Variants in ABCC4 observed in about 807,000 individuals in gnomAD.
ABCC4 encodes the protein ATP-binding cassette sub-family C member 4.
In ABCC4, 102 loss-of-function variants were observed where a neutral mutation model predicts 168.5. The ratio of observed to expected loss-of-function variants is 0.61; its 90% confidence interval spans 0.52 to 0.71. The LOEUF (loss-of-function observed/expected upper bound fraction) is 0.71. Ranked by LOEUF, ABCC4 falls within the 30% of genes least tolerant of loss-of-function variation. ABCC4 has a pLI of 0.00. For synonymous variants in ABCC4, 617 were observed against 590.7 expected (o/e 1.04, Z -0.65); for missense variants, 1,402 against 1,605.8 (o/e 0.87, Z 2.17).
At chr13:95,300,015 T>C (rs571650651) in intron 1 of ABCC4, among the ~76,000 whole-genome samples, 1 of 152,310 alleles carries the variant, frequency 6.6e-6, no homozygotes, top group Non-Finnish European at 1.5e-5. Flanking sequence ...CTAATTTTTG[T>C]ATTTTTAGTA....
At chr13:95,143,019 A>C (rs2036370741) in intron 19 of ABCC4, among the ~76,000 whole-genome samples, 1 of 152,218 alleles carries the variant, frequency 6.6e-6, no homozygotes, top group African/African-American at 2.4e-5. Context: ...CATGTACTAA[A>C]AAGCCTAGCT....
intron 13 of ABCC4, among the ~76,000 whole-genome samples, chr13:95,172,535 C>T (rs1236971151): frequency 6.7e-6 from 1 of 148,772 alleles, no homozygotes; most frequent in Non-Finnish European, 1.5e-5. Flanking sequence ...CACTGCACTC[C>T]AGCCTGGGCA....
intron 6 of ABCC4, 104 bp downstream of exon 6, chr13:95,209,330 A>T (rs1330972988): frequency 1.5e-6 from 2 of 1,312,490 alleles, no homozygotes; most frequent in Non-Finnish European, 2.1e-6. Context: ...TATGCAAGGA[A>T]GAGATAATAA....
chr13:95,193,050 T>A (rs1230785861), intron 9 of ABCC4, among the ~76,000 whole-genome samples: 1 of 152,254 alleles, frequency 6.6e-6, no homozygotes, highest in Non-Finnish European at 1.5e-5. Context: ...AACACATTAT[T>A]GTTTTGTTGG....
At chr13:95,071,562 C>T (rs1248387439) in intron 25 of ABCC4, 100 bp downstream of exon 25, 21 of 1,042,972 alleles carry the variant, frequency 2.0e-5, no homozygotes, top group African/African-American at 3.3e-5. Flanking sequence ...GGTTAACCTA[C>T]GTATCACTGA....
rs552520874 is a variant in ABCC4 at position 95,251,959 on chromosome 13, A to T, written c.75-4206T>A. 3.3e-5 allele frequency among the ~76,000 whole-genome samples: 5 copies of T among 152,212 alleles called. No homozygotes were observed. The South Asian group carries it at 1.0e-3, about 32-fold the overall frequency. On this transcript the variant is annotated intron_variant, in intron 1 of 30. Transcript: ENST00000645237. ...AGTAGCATGATGAAATCTCCCACAA[A>T]CCCACCCAGGATGGGAATCCTCCCT... is the stretch of plus-strand genomic sequence containing the variant.
chr13:95,186,476 A>C (rs1035750185), intron 11 of ABCC4, among the ~76,000 whole-genome samples: 1 of 152,238 alleles, frequency 6.6e-6, no homozygotes, highest in Admixed American at 6.5e-5. Context: ...AAAACTTCAC[A>C]AAACCAACCA....
chr13:95,276,767 C>G (rs1297971537), intron 1 of ABCC4, among the ~76,000 whole-genome samples: 3 of 152,182 alleles, frequency 2.0e-5, no homozygotes, highest in Admixed American at 2.0e-4. Context: ...GCCTGTAATC[C>G]CAACACTTTG....
At chr13:95,099,770 A>G (rs1729760) in intron 20 of ABCC4, among the ~76,000 whole-genome samples, 72,581 of 151,992 alleles carry the variant, frequency 0.48, 18,846 homozygotes, top group African/African-American at 0.67. Flanking sequence ...TATCGGCTTC[A>G]TGACTCAACG....
intron 25 of ABCC4, 117 bp downstream of exon 25, chr13:95,071,545 C>A: frequency 1.1e-6 from 1 of 903,170 alleles, no homozygotes; most frequent in South Asian, 3.5e-5. Flanking sequence ...GGTTAGTTTC[C>A]AAGACAGGTT....
intron 29 of ABCC4, among the ~76,000 whole-genome samples, chr13:95,042,904 A>G (rs1026204333): frequency 6.6e-6 from 1 of 152,206 alleles, no homozygotes; most frequent in Non-Finnish European, 1.5e-5. Flanking sequence ...TGATACATTT[A>G]GACTACAGGC....
At chr13:95,050,487 C>G (rs748009859) in intron 27 of ABCC4, among the ~76,000 whole-genome samples, 1 of 152,164 alleles carries the variant, frequency 6.6e-6, no homozygotes, top group Non-Finnish European at 1.5e-5. Flanking sequence ...TACCCCCAAA[C>G]GAGCAATGTA....
chr13:95,277,109 T>C (rs569453233), intron 1 of ABCC4, among the ~76,000 whole-genome samples: 2 of 152,248 alleles, frequency 1.3e-5, no homozygotes, highest in African/African-American at 4.8e-5. Context: ...AACAGGACTA[T>C]AGGGAAACAA....
chr13:95,075,866 C>G (rs907499336), intron 21 of ABCC4, among the ~76,000 whole-genome samples: 2 of 152,122 alleles, frequency 1.3e-5, no homozygotes, highest in East Asian at 3.9e-4. Flanking sequence ...ATATTCTTCC[C>G]TGACATCTCT....
intron 19 of ABCC4, among the ~76,000 whole-genome samples, chr13:95,132,679 C>A (rs1015276247): frequency 3.3e-5 from 5 of 151,966 alleles, no homozygotes; most frequent in Non-Finnish European, 7.4e-5. Flanking sequence ...ATCTGAGCAC[C>A]CACAGATACA....
chr13:95,096,181 T>C, intron 20 of ABCC4: 1 of 634,870 alleles, frequency 1.6e-6, no homozygotes, highest in Non-Finnish European at 2.8e-6. Flanking sequence ...ATCCCATCTC[T>C]ATGAAAGAAA....
chr13:95,083,394 A>T lies in ABCC4; in HGVS notation c.2536-104T>A, dbSNP rs925594417. The T allele has an allele frequency of 1.2e-5, 16 of 1,355,896 alleles. No homozygotes were observed. The East Asian group carries it at 4.0e-4, about 34-fold the overall frequency. The allele number at this position is 1,355,896 out of a possible 1,614,324, so 84.0% of individuals were successfully genotyped here. ...TTACACTCCTTTCTCTGAAAGACTT[A>T]TTGTAGTACCAGGGACTGCTTTTCC... On this transcript the variant is annotated intron_variant, in intron 20 of 30. Coordinates refer to ENST00000645237, the MANE Select transcript of ABCC4 (RefSeq NM_005845.5).
chr13:95,299,741 C>T (rs565578347), intron 1 of ABCC4, among the ~76,000 whole-genome samples: 3 of 152,112 alleles, frequency 2.0e-5, no homozygotes, highest in African/African-American at 7.2e-5. Context: ...AAAGATGAGG[C>T]GGCAGAGGTC....
At chr13:95,227,287 T>TA (rs1485306387) in intron 4 of ABCC4, among the ~76,000 whole-genome samples, 1 of 152,222 alleles carries the variant, frequency 6.6e-6, no homozygotes, top group East Asian at 1.9e-4. Context: ...TGGCTCCTCT[T>TA]AAGCTATTCC....
Sources: allele counts gnomAD v4.1 joint callset (sites outside exome capture counted in the v4.1 genomes callset), GRCh38; gene constraint gnomAD v4.1.1; transcripts MANE v1.5; gene names NCBI Gene and HGNC (gene_info 2026-07-23, HGNC 2026-07-21).